CDK19: variants seen among roughly 807,000 people sequenced by gnomAD.
CDK19 encodes the protein cyclin dependent kinase 19, also known as cyclin-dependent kinase 19.
In CDK19, 20 loss-of-function variants were observed where a neutral mutation model predicts 68.3. The ratio of observed to expected loss-of-function variants is 0.29; its 90% CI spans 0.21 to 0.43. The LOEUF (loss-of-function observed/expected upper bound fraction) is 0.43. Ranked by LOEUF, CDK19 falls within the 20% of genes least tolerant of loss-of-function variation. The pLI is 1.00. For synonymous variants in CDK19, 221 were observed against 222.8 expected, an observed-to-expected ratio of 0.99 and a Z score of 0.07; for missense variants, 339 against 623.5, an observed-to-expected ratio of 0.54 and a Z score of 4.86.
At chr6:110,734,998 C>A (rs1490452006) in intron 2 of CDK19, among the ~76,000 whole-genome samples, 1 of 152,068 alleles carries the variant, frequency 6.6e-6, no homozygotes, top group Non-Finnish European at 1.5e-5. Context: ...AATGTATATT[C>A]AAATGACTAT....
chr6:110,782,953 AATCT>A (rs2115038145), intron 1 of CDK19, among the ~76,000 whole-genome samples: 1 of 152,348 alleles, frequency 6.6e-6, no homozygotes, highest in South Asian at 2.1e-4. Flanking sequence ...CCATATAAGC[AATCT>A]ATCTCCCACT....
chr6:110,737,596 C>A (rs531695447), intron 2 of CDK19, among the ~76,000 whole-genome samples: 4 of 152,272 alleles, frequency 2.6e-5, no homozygotes, highest in Admixed American at 2.6e-4. Context: ...CTCCTTGTAC[C>A]TTTTCAGGTC....
chr6:110,777,168 C>G (rs1353243061), intron 1 of CDK19, among the ~76,000 whole-genome samples: 1 of 152,108 alleles, frequency 6.6e-6, no homozygotes, highest in Admixed American at 6.5e-5. Context: ...GCAACATTTT[C>G]TCAGAAAATT....
rs567205594 is a variant in CDK19, at chr6:110,617,160, C to T, written c.1378-2494G>A. Among the ~76,000 whole-genome samples, 4 of 152,332 alleles carry T rather than the reference C, an allele frequency of 2.6e-5. No homozygotes were observed. In the South Asian group the frequency reaches 8.3e-4, roughly 32 times the overall value. ...AAACTAGAATTCCCCTTCCCTAAGGCAAGCCATAGAAACCAGAACCCCACT... is the reference window on the plus strand; with the variant it reads ...AAACTAGAATTCCCCTTCCCTAAGGTAAGCCATAGAAACCAGAACCCCACT... On this transcript the variant is annotated intron_variant, in intron 12 of 12. Transcript: ENST00000368911.
intron 2 of CDK19, among the ~76,000 whole-genome samples, chr6:110,702,088 C>T (rs985637278): frequency 5.9e-5 from 9 of 151,838 alleles, no homozygotes; most frequent in African/African-American, 2.2e-4. Context: ...TTGCAGTGAG[C>T]CGAGATTGTT....
At position 110,611,360 on chromosome 6, in the gene CDK19, A is replaced by G. The variant is rs1226202766; in HGVS notation, c.*3175T>C. The G allele has an allele frequency of 1.3e-5, 2 of 152,256 alleles. No individual in the cohort carries two copies. The highest frequency in any genetic ancestry group is 2.4e-5 in the African/African-American group (1 of 41,470). The allele number at this position is 152,256 out of a possible 1,614,324, so 9.4% of individuals were successfully genotyped here. On this transcript the variant is annotated 3_prime_UTR_variant, in exon 13 of 13. Coordinates refer to ENST00000368911, the MANE Select transcript of CDK19 (RefSeq NM_015076.5). ...TGCCCCTCCTGTACCCTTGGGGGAC[A>G]TAACAGTATCTAATAAATTTCAAAG...
intron 2 of CDK19, among the ~76,000 whole-genome samples, chr6:110,744,573 T>C (rs3021295): frequency 0.96 from 146,882 of 152,232 alleles, 71,062 homozygotes; most frequent in Middle Eastern, 1. Context: ...AACTTAGAAT[T>C]GTGGACCACT....
At chr6:110,767,047 T>C (rs1779643941) in intron 1 of CDK19, among the ~76,000 whole-genome samples, 1 of 151,832 alleles carries the variant, frequency 6.6e-6, no homozygotes, top group South Asian at 2.1e-4. Context: ...GACAAGAGAA[T>C]CATTTGAACC....
In CDK19 at chr6:110,809,755, AT is replaced by A. The variant is rs1583153672; in HGVS notation, c.128+5253del. Reference sequence around the variant, plus strand: ...TGGAGCATCTTTACCAATTAAAGGCATTTTTAATTGAATATAATTTTGTGTA... The same window carrying A: ...TGGAGCATCTTTACCAATTAAAGGCATTTTAATTGAATATAATTTTGTGTA... On this transcript the variant is annotated intron_variant, in intron 1 of 12. Transcript: ENST00000368911. Among the ~76,000 whole-genome samples, 3 of 152,222 alleles carry A rather than the reference AT, an allele frequency of 2.0e-5. No homozygotes were observed. The East Asian group carries it at 5.8e-4, about 29-fold the overall frequency.
At chr6:110,771,345 A>C (rs760318307) in intron 1 of CDK19, among the ~76,000 whole-genome samples, 50 of 152,210 alleles carry the variant, frequency 3.3e-4, no homozygotes, top group Non-Finnish European at 7.3e-5. Flanking sequence ...GCTCAACACC[A>C]CATGGAACCT....
At chr6:110,672,458 A>G (rs1771097191) in intron 2 of CDK19, among the ~76,000 whole-genome samples, 1 of 152,204 alleles carries the variant, frequency 6.6e-6, no homozygotes. Context: ...GAATAAATTC[A>G]TTTTAAGTCC....
intron 2 of CDK19, among the ~76,000 whole-genome samples, chr6:110,681,701 C>A (rs564142950): frequency 6.6e-6 from 1 of 152,180 alleles, no homozygotes; most frequent in African/African-American, 2.4e-5. Context: ...TTCAACATGA[C>A]ATCATACAAC....
chr6:110,685,882 T>C (rs1772433392), intron 2 of CDK19, among the ~76,000 whole-genome samples: 1 of 152,204 alleles, frequency 6.6e-6, no homozygotes, highest in South Asian at 2.1e-4. Context: ...ACAAGTGGGC[T>C]TTCCCCTGCA....
At chr6:110,633,232 A>T (rs1257368960) in intron 5 of CDK19, among the ~76,000 whole-genome samples, 1 of 152,084 alleles carries the variant, frequency 6.6e-6, no homozygotes, top group Non-Finnish European at 1.5e-5. Flanking sequence ...ACAAACAAAC[A>T]AGAGACAGAG....
chr6:110,659,750 G>A (rs1359981077), intron 4 of CDK19, among the ~76,000 whole-genome samples: 2 of 151,966 alleles, frequency 1.3e-5, no homozygotes, highest in South Asian at 2.1e-4. Flanking sequence ...AGGAGAGGAG[G>A]GGAAAATTAG....
At chr6:110,680,978 C>T (rs1197536792) in intron 2 of CDK19, among the ~76,000 whole-genome samples, 1 of 151,850 alleles carries the variant, frequency 6.6e-6, no homozygotes, top group Non-Finnish European at 1.5e-5. Flanking sequence ...GCCTGGGCAA[C>T]AGAGTGAGAC....
At chr6:110,685,276 T>A (rs527712176) in intron 2 of CDK19, among the ~76,000 whole-genome samples, 8 of 152,342 alleles carry the variant, frequency 5.3e-5, no homozygotes, top group Admixed American at 1.3e-4. Context: ...GGTGCTCTTC[T>A]CTCTGCCTAG....
chr6:110,725,581 T>C (rs1329067262), intron 2 of CDK19, among the ~76,000 whole-genome samples: 1 of 152,070 alleles, frequency 6.6e-6, no homozygotes, highest in Non-Finnish European at 1.5e-5. Flanking sequence ...AAACAGATCC[T>C]GAACAAAATC....
intron 1 of CDK19, among the ~76,000 whole-genome samples, chr6:110,753,278 T>C (rs1335332951): frequency 6.6e-6 from 1 of 152,118 alleles, no homozygotes; most frequent in Non-Finnish European, 1.5e-5. Flanking sequence ...ATTTCCTTCA[T>C]TTAGAATTCC....
Sources: allele counts gnomAD v4.1 joint callset (sites outside exome capture counted in the v4.1 genomes callset), GRCh38; gene constraint gnomAD v4.1.1; transcripts MANE v1.5; gene names NCBI Gene and HGNC (gene_info 2026-07-23, HGNC 2026-07-21).